The following BSND variants were observed in gnomAD, a reference collection of about 807,000 sequenced individuals.
The protein encoded by BSND is barttin.
Under a neutral mutation model 18.8 loss-of-function variants are expected in BSND, and 13 were observed. The observed-to-expected ratio is 0.69, with a 90% confidence interval of 0.45 to 1.10. The LOEUF (loss-of-function observed/expected upper bound fraction) is 1.10, where lower values mean the gene tolerates loss of function less well. BSND is among the 50% of genes least tolerant of loss of function. BSND has a pLI of 0.00. For missense variants in BSND, 379 were observed against 416.7 expected (o/e 0.91, Z 0.79); for synonymous variants, 170 against 161.8 (o/e 1.05, Z -0.39).
chr1:55,002,334 T>G (rs1570270787), intron 1 of BSND, among the ~76,000 whole-genome samples: 1 of 151,972 alleles, frequency 6.6e-6, no homozygotes, highest in African/African-American at 2.4e-5. Flanking sequence ...CAGTTGGAGG[T>G]GCTGAGCCCA....
At chr1:55,003,872 T>A (rs1644375560) in intron 1 of BSND, among the ~76,000 whole-genome samples, 1 of 152,184 alleles carries the variant, frequency 6.6e-6, no homozygotes, top group African/African-American at 2.4e-5. Flanking sequence ...ACACGTAACA[T>A]AAAAGTTAGT....
At chr1:55,003,240 A>C (rs1644372627) in intron 1 of BSND, among the ~76,000 whole-genome samples, 1 of 151,856 alleles carries the variant, frequency 6.6e-6, no homozygotes, top group African/African-American at 2.4e-5. Flanking sequence ...TGTTTTTAAG[A>C]GACAGGAGCT....
chr1:55,008,307 T>A lies in BSND; in HGVS notation c.642T>A (p.Ser214=), dbSNP rs1027496341. ...GTGAAGGCAGCAGCCCCAATGCATC[T>A]CCACATGACAGGGAGGAAGCTTGTT... ...DSSEGSSPNA[S]PHDREEACSP... Residue 214 remains serine (S), a synonymous_variant, in exon 4 of 4, where the codon TCT becomes TCA. Transcript: ENST00000651561. 4 of 1,614,050 alleles carry A rather than the reference T, an allele frequency of 2.5e-6. No homozygotes were observed. The highest frequency in any genetic ancestry group is 3.4e-6 in the Non-Finnish European group (4 of 1,180,048).
At position 55,016,164 on chromosome 1, in the gene BSND, C is replaced by A. The variant is rs1377501784; in HGVS notation, c.*7536C>A. 1.3e-5 allele frequency among the ~76,000 whole-genome samples: 2 copies of A among 152,082 alleles called. No individual in the cohort carries two copies. The highest frequency in any genetic ancestry group is 4.8e-5 in the African/African-American group (2 of 41,390). ...AAGGAGGGCTTTGCAGTGCTGAGAG[C>A]TGCCCAAAGAATGGGTAGGAACATG... is the stretch of plus-strand genomic sequence containing the variant. On this transcript the variant is annotated 3_prime_UTR_variant, in exon 4 of 4. Coordinates refer to ENST00000651561, the MANE Select transcript of BSND (RefSeq NM_057176.3).
In BSND at chr1:55,008,868, T is replaced by G. The variant is rs1337573253; in HGVS notation, c.*240T>G. The G allele has an allele frequency of 1.6e-6, 1 of 619,154 alleles. No homozygotes were observed. The highest frequency in any genetic ancestry group is 1.8e-5 in the African/African-American group (1 of 54,286). 38.4% of individuals were successfully genotyped at this position (619,154 alleles called of 1,614,324 possible). On this transcript the variant is annotated 3_prime_UTR_variant, in exon 4 of 4. Transcript: ENST00000651561. ...AAGGCAAAATATGATTTGTTGAGGT[T>G]TGCAGCAGCTGAAGCCCTCAAAAGC...
Position 55,008,805 on chromosome 1 carries a change from T to C in BSND, c.*177T>C. On this transcript the variant is annotated 3_prime_UTR_variant, in exon 4 of 4. Coordinates refer to ENST00000651561, the MANE Select transcript of BSND (RefSeq NM_057176.3). ...GGGATGATGACTATTAGTGGACTCT[T>C]GTTTTTCCAATAGTTAGTGGTCTTT... 1 of 936,910 alleles carries C rather than the reference T, an allele frequency of 1.1e-6. No individual in the cohort carries two copies. The highest frequency in any genetic ancestry group is 1.6e-6 in the Non-Finnish European group (1 of 619,984). 58.0% of individuals were successfully genotyped at this position (936,910 alleles called of 1,614,324 possible).
chr1:54,999,018 G>C lies in BSND; in HGVS notation c.-169G>C, dbSNP rs112585863. The C allele has an allele frequency of 1.7e-4, 129 of 752,228 alleles. 1 individual carries two copies. The African/African-American group carries it at 2.0e-3, about 11-fold the overall frequency. 46.6% of individuals were successfully genotyped at this position (752,228 alleles called of 1,614,324 possible). A position where few individuals can be genotyped will look rare whatever the true frequency, so the allele number is the denominator to read the frequency against. Reference sequence around the variant, plus strand: ...CGCCTCCAGCCCTGTTGAACTGGTGGGCCCAGGGACTGGAGCGGGATTGAA... The same window carrying C: ...CGCCTCCAGCCCTGTTGAACTGGTGCGCCCAGGGACTGGAGCGGGATTGAA... On this transcript the variant is annotated 5_prime_UTR_variant, in exon 1 of 4. Coordinates refer to ENST00000651561, the MANE Select transcript of BSND (RefSeq NM_057176.3).
chr1:55,006,283 C>G (rs1421353346), intron 2 of BSND, among the ~76,000 whole-genome samples: 1 of 152,154 alleles, frequency 6.6e-6, no homozygotes, highest in Admixed American at 6.5e-5. Context: ...GGGGCTCCGG[C>G]CACCCTGGGT....
intron 1 of BSND, 75 bp downstream of exon 1, chr1:54,999,438 G>A: frequency 6.9e-7 from 1 of 1,452,652 alleles, no homozygotes. Context: ...TGTATGCCAT[G>A]CCTCACCCCC....
In BSND at chr1:54,999,305, T is replaced by C. The variant is rs1365826784; in HGVS notation, c.119T>C (p.Met40Thr). ...CAGGTCTACGGCACCTTCTATGCCA[T>C]GGGCAGCGTCATGGTGATCGGGGGC... ...RPQVYGTFYA[M>T]GSVMVIGGII... The change falls in exon 1 of 4, where the codon ATG becomes ACG. Residue 40 changes from methionine to threonine, a missense_variant. Coordinates refer to ENST00000651561, the MANE Select transcript of BSND (RefSeq NM_057176.3). The C allele has an allele frequency of 1.2e-6, 2 of 1,613,980 alleles. No homozygotes were observed. The highest frequency in any genetic ancestry group is 2.2e-5 in the East Asian group (1 of 44,860).
chr1:55,003,448 A>C lies in BSND; in HGVS notation c.178-1574A>C, dbSNP rs142892982. On this transcript the variant is annotated intron_variant, in intron 1 of 3. Coordinates refer to ENST00000651561, the MANE Select transcript of BSND (RefSeq NM_057176.3). ...ACAGCGTCTTTCTTCATTGCCCAGG[A>C]GCTCTGTTTTATTTCTGGACATCTA... Among the ~76,000 whole-genome samples, 1,452 of 152,028 alleles carry C rather than the reference A, an allele frequency of 9.6e-3. 28 individuals carry two copies. Among genetic ancestry groups the C allele is most frequent in the African/African-American group, 0.033 (1,383 of 41,474 alleles).
In BSND at chr1:55,016,136, T is replaced by G. The variant is rs988987533; in HGVS notation, c.*7508T>G. On this transcript the variant is annotated 3_prime_UTR_variant, in exon 4 of 4. Transcript: ENST00000651561. ...GACAAGGACAAAGCTACAGTTTCCA[T>G]GGAAGGAGGGCTTTGCAGTGCTGAG... is the stretch of plus-strand genomic sequence containing the variant. Among the ~76,000 whole-genome samples the G allele has an allele frequency of 6.6e-6, 1 of 151,984 alleles. No homozygotes were observed. Among genetic ancestry groups the G allele is most frequent in the African/African-American group, 2.4e-5 (1 of 41,358 alleles).
rs745768869 is a variant in BSND at position 55,014,318 on chromosome 1, C to T, written c.*5690C>T. Reference sequence around the variant, plus strand: ...GCGCTGGGTTTGAGACTAGGCTTCCCTACTGGCCAGCTCTGTGACTTTGGC... The same window carrying T: ...GCGCTGGGTTTGAGACTAGGCTTCCTTACTGGCCAGCTCTGTGACTTTGGC... On this transcript the variant is annotated 3_prime_UTR_variant, in exon 4 of 4. Transcript: ENST00000651561. Among the ~76,000 whole-genome samples the T allele has an allele frequency of 1.2e-4, 18 of 152,220 alleles. No individual in the cohort carries two copies. The highest frequency in any genetic ancestry group is 2.2e-4 in the Non-Finnish European group (15 of 68,026).
rs1473777760 is a variant in BSND at position 55,008,303 on chromosome 1, C to A, written c.638C>A (p.Ala213Glu). Reference sequence around the variant, plus strand: ...TCCAGTGAAGGCAGCAGCCCCAATGCATCTCCACATGACAGGGAGGAAGCT... The same window carrying A: ...TCCAGTGAAGGCAGCAGCCCCAATGAATCTCCACATGACAGGGAGGAAGCT... ...MDSSEGSSPNASPHDREEACS... is the reference protein window; with the variant it reads ...MDSSEGSSPNESPHDREEACS... Residue 213 changes from alanine to glutamate, a missense_variant, in exon 4 of 4, where the codon GCA becomes GAA. By Grantham distance (107) the Ala-to-Glu change is moderately radical. Coordinates refer to ENST00000651561, the MANE Select transcript of BSND (RefSeq NM_057176.3). 14 of 1,614,108 alleles carry A rather than the reference C, an allele frequency of 8.7e-6. No homozygotes were observed. The highest frequency in any genetic ancestry group is 2.7e-5 in the African/African-American group (2 of 74,944).
In BSND at chr1:55,015,736, T is replaced by C. The variant is rs1030704717; in HGVS notation, c.*7108T>C. Among the ~76,000 whole-genome samples the C allele has an allele frequency of 2.0e-5, 3 of 152,176 alleles. No homozygotes were observed. The highest frequency in any genetic ancestry group is 7.2e-5 in the African/African-American group (3 of 41,444). ...GAAGAGACATGCATCTGACCCATGC[T>C]TGTCTTGGGGGAACCTCTACTACCC... is the stretch of plus-strand genomic sequence containing the variant. On this transcript the variant is annotated 3_prime_UTR_variant, in exon 4 of 4. Transcript: ENST00000651561.
chr1:55,012,278 C>G lies in BSND; in HGVS notation c.*3650C>G, dbSNP rs1295158001. Reference sequence around the variant, plus strand: ...GCTCCCAGTCCCTGAGCACTGTGTGCCTGTCACCATGCAAGACACCGTCAC... The same window carrying G: ...GCTCCCAGTCCCTGAGCACTGTGTGGCTGTCACCATGCAAGACACCGTCAC... On this transcript the variant is annotated 3_prime_UTR_variant, in exon 4 of 4. Transcript: ENST00000651561. Among the ~76,000 whole-genome samples the G allele has an allele frequency of 6.6e-6, 1 of 152,302 alleles. No homozygotes were observed. Among genetic ancestry groups the G allele is most frequent in the East Asian group, 1.9e-4 (1 of 5,174 alleles).
intron 1 of BSND, among the ~76,000 whole-genome samples, chr1:55,004,659 C>T (rs1644380723): frequency 6.6e-6 from 1 of 152,226 alleles, no homozygotes; most frequent in African/African-American, 2.4e-5. Context: ...GAAGCACCTA[C>T]TATGTGCCAG....
Position 55,011,122 on chromosome 1 carries a change from G to C in BSND, c.*2494G>C, listed in dbSNP as rs180985962. On this transcript the variant is annotated 3_prime_UTR_variant, in exon 4 of 4. Transcript: ENST00000651561. Reference sequence around the variant, plus strand: ...CTTAAACAAGAGCCTCTGGTTGCTGGGCCTGCCAGCAGGAAGATGGTAACC... The same window carrying C: ...CTTAAACAAGAGCCTCTGGTTGCTGCGCCTGCCAGCAGGAAGATGGTAACC... The C allele has an allele frequency of 6.6e-6, 1 of 152,288 alleles. No individual in the cohort carries two copies. Among genetic ancestry groups the C allele is most frequent in the Admixed American group, 6.5e-5 (1 of 15,306 alleles). 9.4% of individuals were successfully genotyped at this position (152,288 alleles called of 1,614,324 possible).
chr1:55,001,560 C>G (rs1644361921), intron 1 of BSND, among the ~76,000 whole-genome samples: 1 of 152,146 alleles, frequency 6.6e-6, no homozygotes, highest in African/African-American at 2.4e-5. Context: ...CCCCGTGGCT[C>G]TCTGTGCCAG....
Sources: allele counts gnomAD v4.1 joint callset (sites outside exome capture counted in the v4.1 genomes callset), GRCh38; gene constraint gnomAD v4.1.1; transcripts MANE v1.5; gene names NCBI Gene and HGNC (gene_info 2026-07-23, HGNC 2026-07-21).